Variants in CD48 observed in about 807,000 individuals in gnomAD.
The protein encoded by CD48 is CD48 antigen.
A neutral mutation model predicts 22.0 loss-of-function variants in CD48; 20 were observed. The observed-to-expected ratio is 0.91, with a 90% CI of 0.64 to 1.32. The LOEUF (loss-of-function observed/expected upper bound fraction) is 1.32. Among genes scored for constraint, CD48 ranks in the 40% most tolerant of loss-of-function variants. The pLI is 0.00. For synonymous variants in CD48, 110 were observed against 110.1 expected, an observed-to-expected ratio of 1.00 and a Z score of 0.01; for missense variants, 307 against 286.5, an observed-to-expected ratio of 1.07 and a Z score of -0.52.
chr1:160,691,456 A>G (rs1167745120), intron 1 of CD48, among the ~76,000 whole-genome samples: 5 of 152,202 alleles, frequency 3.3e-5, no homozygotes, highest in African/African-American at 4.8e-5. Flanking sequence ...CACAGCATTT[A>G]ATCCTTTACC....
chr1:160,689,698 G>A (rs967647625), intron 1 of CD48, among the ~76,000 whole-genome samples: 15 of 152,158 alleles, frequency 9.9e-5, no homozygotes, highest in South Asian at 4.1e-4. Flanking sequence ...ATCTCACCAC[G>A]TCTGAAGGCA....
chr1:160,692,773 A>G (rs559736474), intron 1 of CD48, among the ~76,000 whole-genome samples: 3 of 152,354 alleles, frequency 2.0e-5, no homozygotes, highest in East Asian at 1.9e-4. Context: ...AAGGAGCCCA[A>G]GAGGGAGAGC....
intron 2 of CD48, among the ~76,000 whole-genome samples, chr1:160,683,324 A>AT (rs1346180998): frequency 1.3e-5 from 2 of 152,124 alleles, no homozygotes; most frequent in Admixed American, 6.5e-5. Context: ...CCAGAGGACC[A>AT]TTTTTTCTGC....
At chr1:160,679,297 C>A (rs1181482917) in intron 3 of CD48, among the ~76,000 whole-genome samples, 166 bp from the exon 4 acceptor site, 5 of 152,164 alleles carry the variant, frequency 3.3e-5, no homozygotes, top group African/African-American at 1.2e-4. Context: ...TCCTCAATCT[C>A]CCCAAACATA....
At chr1:160,698,163 T>C (rs1273051244) in intron 1 of CD48, among the ~76,000 whole-genome samples, 6 of 152,142 alleles carry the variant, frequency 3.9e-5, no homozygotes, top group Non-Finnish European at 8.8e-5. Context: ...TATATGCTAG[T>C]TGTAGGAAAT....
chr1:160,693,218 C>T (rs1435412498), intron 1 of CD48, among the ~76,000 whole-genome samples: 1 of 152,228 alleles, frequency 6.6e-6, no homozygotes, highest in Non-Finnish European at 1.5e-5. Context: ...TACAGTAAGA[C>T]AAGGTTCAAA....
intron 3 of CD48, chr1:160,680,740 C>T (rs1394906529): frequency 9.6e-7 from 1 of 1,045,880 alleles, no homozygotes; most frequent in East Asian, 7.7e-5. Context: ...GGCCCGTCTC[C>T]TCAGTCCCTC....
intron 1 of CD48, among the ~76,000 whole-genome samples, chr1:160,687,522 T>C (rs1662045733): frequency 1.3e-5 from 2 of 152,236 alleles, no homozygotes; most frequent in Non-Finnish European, 2.9e-5. Context: ...ATGAAAGTAT[T>C]AATTTGGGGA....
intron 1 of CD48, among the ~76,000 whole-genome samples, chr1:160,701,496 T>C (rs535664): frequency 0.77 from 116,000 of 151,280 alleles, 44,616 homozygotes; most frequent in East Asian, 0.83. Context: ...GGTATGGCAG[T>C]GGCTGCCACT....
chr1:160,684,812 C>T (rs1389625160), intron 2 of CD48, 75 bp downstream of exon 2: 2 of 1,613,856 alleles, frequency 1.2e-6, no homozygotes, highest in Non-Finnish European at 1.7e-6. Context: ...GTGCCCCATG[C>T]CTCCCAGGAA....
rs1210265418 is a variant in CD48, at chr1:160,679,087, T to C, written c.697A>G (p.Thr233Ala). The C allele has an allele frequency of 6.2e-7, 1 of 1,614,118 alleles. No individual in the cohort carries two copies. The highest frequency in any genetic ancestry group is 2.2e-5 in the East Asian group (1 of 44,884). Residue 233 changes from threonine to alanine, a missense_variant, in exon 4 of 4, where the codon ACG (threonine) becomes GCG (alanine). Physicochemically the swap from Thr to Ala is moderately conservative, Grantham distance 58. Transcript: ENST00000368046. Reference protein sequence around the residue: ...VEWIASWLVVTVPTILGLLLT With the variant: ...VEWIASWLVVAVPTILGLLLT Reference sequence around the variant, plus strand: ...AACAGGCCAAGAATGGTGGGCACCGTGACCACTAGCCAACTTGCAATCCAT... The same window carrying C: ...AACAGGCCAAGAATGGTGGGCACCGCGACCACTAGCCAACTTGCAATCCAT...
intron 1 of CD48, among the ~76,000 whole-genome samples, chr1:160,687,038 T>C (rs557253747): frequency 1.3e-4 from 20 of 152,302 alleles, no homozygotes; most frequent in Admixed American, 3.3e-4. Flanking sequence ...ATTTCACCTC[T>C]GCAGTTTCGA....
Position 160,710,793 on chromosome 1 carries a change from C to T in CD48, c.82+889G>A, listed in dbSNP as rs184766527. 6.8e-4 allele frequency among the ~76,000 whole-genome samples: 104 copies of T among 152,320 alleles called. 1 individual carries two copies. Among genetic ancestry groups the T allele is most frequent in the Admixed American group, 6.5e-3 (99 of 15,292 alleles). ...CGATCCTCCACACATTCTACCTCAT[C>T]TCCCCAAAAGTTACAAACTATCATC... On this transcript the variant is annotated intron_variant, in intron 1 of 3. Transcript: ENST00000368046.
At chr1:160,693,553 A>G (rs1662303569) in intron 1 of CD48, among the ~76,000 whole-genome samples, 1 of 152,306 alleles carries the variant, frequency 6.6e-6, no homozygotes, top group African/African-American at 2.4e-5. Context: ...GTCATTTAAA[A>G]AAGAATTGCC....
At chr1:160,701,140 C>T (rs187649706) in intron 1 of CD48, among the ~76,000 whole-genome samples, 70 of 147,652 alleles carry the variant, frequency 4.7e-4, no homozygotes, top group African/African-American at 1.7e-3. Context: ...ACAGTAAAAG[C>T]AAATTTTTCA....
At chr1:160,706,554 T>C (rs373993255) in intron 1 of CD48, among the ~76,000 whole-genome samples, 28 of 152,316 alleles carry the variant, frequency 1.8e-4, no homozygotes, top group African/African-American at 6.7e-4. Flanking sequence ...TTTGCCTTCT[T>C]AACAATTCCA....
intron 1 of CD48, among the ~76,000 whole-genome samples, chr1:160,692,513 C>T (rs1558034207): frequency 1.3e-5 from 2 of 152,062 alleles, no homozygotes; most frequent in Non-Finnish European, 2.9e-5. Context: ...CTGCCAGTAG[C>T]TTATCAATAC....
At chr1:160,693,580 G>A (rs1230152515) in intron 1 of CD48, among the ~76,000 whole-genome samples, 8 of 152,262 alleles carry the variant, frequency 5.3e-5, no homozygotes, top group African/African-American at 1.7e-4. Context: ...TAAATAAACA[G>A]AATATAACTA....
Position 160,711,683 on chromosome 1 carries a change from T to A in CD48, c.81A>T (p.Gln27His), listed in dbSNP as rs752646997. The A allele has an allele frequency of 6.8e-6, 11 of 1,610,950 alleles. No individual in the cohort carries two copies. The Admixed American group carries it at 1.5e-4, about 22-fold the overall frequency. The change falls in exon 1 of 4, where the codon CAA (glutamine) becomes CAT (histidine). Residue 27 changes from glutamine (Q) to histidine (H), a missense_variant and splice_region_variant. Gln to His is a conservative substitution (Grantham distance 24, BLOSUM62 0). Transcript: ENST00000368046. ...LPLSLLVTSI[Q>H]GHLVHMTVVS... is the part of the protein sequence containing the mutation. ...AGATACACAGTTGGTGGAAAGTACC[T>A]TGAATGCTGGTCACCAGGAGTGACA...
Sources: allele counts gnomAD v4.1 joint callset (sites outside exome capture counted in the v4.1 genomes callset), GRCh38; gene constraint gnomAD v4.1.1; transcripts MANE v1.5; gene names NCBI Gene and HGNC (gene_info 2026-07-23, HGNC 2026-07-21).